The following KBTBD8 variants were observed in gnomAD, a reference collection of about 807,000 sequenced individuals.
The protein encoded by KBTBD8 is kelch repeat and BTB domain-containing protein 8.
Under a neutral mutation model 53.5 loss-of-function variants are expected in KBTBD8, and 31 were observed. The ratio of observed to expected loss-of-function variants is 0.58; its 90% CI spans 0.44 to 0.78. KBTBD8 has a LOEUF of 0.78. KBTBD8 is among the 30% of genes least tolerant of loss of function. KBTBD8 has a pLI of 0.00. For synonymous variants in KBTBD8, 250 were observed against 247.3 expected (o/e 1.01, Z -0.10); for missense variants, 642 against 735.8 (o/e 0.87, Z 1.48).
chr3:67,009,219 T>C lies in KBTBD8; in HGVS notation c.*834T>C, dbSNP rs537808226. ...CCATAGTACTTTACCTGTTGAACTC[T>C]TGTGATTTCACAAGATTCTCTACTT... On this transcript the variant is annotated 3_prime_UTR_variant, in exon 4 of 4. Transcript: ENST00000417314. 1.3e-5 allele frequency: 2 copies of C among 152,766 alleles called. No individual in the cohort carries two copies. Among genetic ancestry groups the C allele is most frequent in the South Asian group, 2.1e-4 (1 of 4,826 alleles). The allele number at this position is 152,766 out of a possible 1,614,324, so 9.5% of individuals were successfully genotyped here.
chr3:67,008,446 C>CAA lies in KBTBD8; in HGVS notation c.*64_*65dup. The stretch of plus-strand genomic sequence containing the variant: ...ATTCTTAGGAAACTTGTCTTTGATA[C>CAA]AAAAGAGTGCTGACAGTATTTCAGA... On this transcript the variant is annotated 3_prime_UTR_variant, in exon 4 of 4. Coordinates refer to ENST00000417314, the MANE Select transcript of KBTBD8 (RefSeq NM_032505.3). 8.7e-7 allele frequency: 1 copy of CAA among 1,151,578 alleles called. No homozygotes were observed. Among genetic ancestry groups the CAA allele is most frequent in the Non-Finnish European group, 1.2e-6 (1 of 805,258 alleles). The allele number at this position is 1,151,578 out of a possible 1,614,324, so 71.3% of individuals were successfully genotyped here.
chr3:66,999,043 A>G lies in KBTBD8; in HGVS notation c.79A>G (p.Met27Val), dbSNP rs1053972145. The stretch of plus-strand genomic sequence containing the variant: ...ATCTTCAGACCCAGCCAGCGATGCC[A>G]TGGACCCCTTCCATGCTTGCAGTAT... ...IPSSDPASDA[M>V]DPFHACSILK... The change falls in exon 2 of 4, where the codon ATG (methionine) becomes GTG (valine). Residue 27 changes from methionine (M) to valine (V), a missense_variant. Transcript: ENST00000417314. The G allele has an allele frequency of 2.5e-6, 4 of 1,614,040 alleles. No homozygotes were observed. The highest frequency in any genetic ancestry group is 2.7e-5 in the African/African-American group (2 of 74,936).
Position 67,003,832 on chromosome 3 carries a change from A to G in KBTBD8, c.865A>G (p.Ile289Val), listed in dbSNP as rs1363972600. ...RLGMTASEMI[I>V]CFDAAHKHSG... ...TGGAATGACTGCTTCTGAAATGATCATATGTTTTGATGCTGCCCACAAACA... is the reference window on the plus strand; with the variant it reads ...TGGAATGACTGCTTCTGAAATGATCGTATGTTTTGATGCTGCCCACAAACA... Residue 289 changes from isoleucine to valine, a missense_variant, in exon 3 of 4, where the codon ATA (isoleucine) becomes GTA (valine). Coordinates refer to ENST00000417314, the MANE Select transcript of KBTBD8 (RefSeq NM_032505.3). The G allele has an allele frequency of 1.9e-6, 3 of 1,614,216 alleles. No homozygotes were observed. Among genetic ancestry groups the G allele is most frequent in the East Asian group, 4.5e-5 (2 of 44,882 alleles).
chr3:67,002,512 C>CTT (rs57174511), intron 2 of KBTBD8, among the ~76,000 whole-genome samples: 3,670 of 90,362 alleles, frequency 0.041, 408 homozygotes, highest in African/African-American at 0.11. Context: ...TATAGGTATT[C>CTT]TTTTTTTTTT....
Position 66,999,201 on chromosome 3 carries a change from T to A in KBTBD8, c.227+10T>A, listed in dbSNP as rs1559555568. 2.5e-6 allele frequency: 4 copies of A among 1,608,818 alleles called. No individual in the cohort carries two copies. Among genetic ancestry groups the A allele is most frequent in the Non-Finnish European group, 3.4e-6 (4 of 1,175,146 alleles). On this transcript the variant is annotated intron_variant, in intron 2 of 3. Coordinates refer to ENST00000417314, the MANE Select transcript of KBTBD8 (RefSeq NM_032505.3). ...TCAGCCCTTACTTCAGGTATGATGATGGTAGGAACTTCTGTTGGTATCTGC... is the reference window on the plus strand; with the variant it reads ...TCAGCCCTTACTTCAGGTATGATGAAGGTAGGAACTTCTGTTGGTATCTGC...
rs1702089282 is a variant in KBTBD8, at chr3:67,008,433, C to T, written c.*48C>T. 1 of 1,328,068 alleles carries T rather than the reference C, an allele frequency of 7.5e-7. No homozygotes were observed. Among genetic ancestry groups the T allele is most frequent in the Admixed American group, 2.0e-5 (1 of 49,322 alleles). The allele number at this position is 1,328,068 out of a possible 1,614,324, so 82.3% of individuals were successfully genotyped here. ...TCACTGGCATCTCATTCTTAGGAAACTTGTCTTTGATACAAAAGAGTGCTG... is the reference window on the plus strand; with the variant it reads ...TCACTGGCATCTCATTCTTAGGAAATTTGTCTTTGATACAAAAGAGTGCTG... On this transcript the variant is annotated 3_prime_UTR_variant, in exon 4 of 4. Coordinates refer to ENST00000417314, the MANE Select transcript of KBTBD8 (RefSeq NM_032505.3).
intron 3 of KBTBD8, among the ~76,000 whole-genome samples, chr3:67,006,407 T>C (rs1183922717): frequency 6.6e-6 from 1 of 152,216 alleles, no homozygotes; most frequent in Non-Finnish European, 1.5e-5. Flanking sequence ...CTTAATTGCA[T>C]ATTATTAGCT....
At chr3:67,000,494 ATC>A (rs1702007414) in intron 2 of KBTBD8, among the ~76,000 whole-genome samples, 1 of 152,160 alleles carries the variant, frequency 6.6e-6, no homozygotes, top group South Asian at 2.1e-4. Context: ...TTATAATCCT[ATC>A]TCTGCATAGT....
rs1210246294 is a variant in KBTBD8, at chr3:66,999,017, C to T, written c.53C>T (p.Pro18Leu). 1.2e-6 allele frequency: 2 copies of T among 1,612,864 alleles called. No homozygotes were observed. The highest frequency in any genetic ancestry group is 4.5e-5 in the East Asian group (2 of 44,866). Residue 18 changes from proline to leucine, a missense_variant, in exon 2 of 4, where the codon CCA becomes CTA. Coordinates refer to ENST00000417314, the MANE Select transcript of KBTBD8 (RefSeq NM_032505.3). ...TCTTCCCCAACACCGAATGGGATTC[C>T]ATCTTCAGACCCAGCCAGCGATGCC... ...SKSSPTPNGI[P>L]SSDPASDAMD...
In KBTBD8 at chr3:67,002,867, C is replaced by G. The variant is rs1222860276; in HGVS notation, c.228-328C>G. The stretch of plus-strand genomic sequence containing the variant: ...TCTGATGTCCCTAAGGCAACTTGAC[C>G]AGAACTCTGGATAGGGGCTTCTAGG... On this transcript the variant is annotated intron_variant, in intron 2 of 3. Transcript: ENST00000417314. 1.1e-4 allele frequency among the ~76,000 whole-genome samples: 17 copies of G among 152,086 alleles called. 1 individual carries two copies.
At chr3:67,005,465 T>A (rs1559557137) in intron 3 of KBTBD8, among the ~76,000 whole-genome samples, 1 of 152,156 alleles carries the variant, frequency 6.6e-6, no homozygotes, top group African/African-American at 2.4e-5. Flanking sequence ...GCTGTACAGT[T>A]TTGTAGCCTA....
At position 67,008,691 on chromosome 3, in the gene KBTBD8, C is replaced by T. The variant is rs573102639; in HGVS notation, c.*306C>T. 8 of 295,644 alleles carry T rather than the reference C, an allele frequency of 2.7e-5. No individual in the cohort carries two copies. The East Asian group carries it at 3.1e-4, about 11-fold the overall frequency. 18.3% of individuals were successfully genotyped at this position (295,644 alleles called of 1,614,324 possible). Reference sequence around the variant, plus strand: ...CCAGATGAATCAGGACAACTATGCACTCTTATAAGAGCATTTAGGGTATTA... The same window carrying T: ...CCAGATGAATCAGGACAACTATGCATTCTTATAAGAGCATTTAGGGTATTA... On this transcript the variant is annotated 3_prime_UTR_variant, in exon 4 of 4. Transcript: ENST00000417314.
intron 1 of KBTBD8, among the ~76,000 whole-genome samples, chr3:66,998,692 G>C (rs1222534891): frequency 1.3e-5 from 2 of 152,172 alleles, no homozygotes; most frequent in African/African-American, 4.8e-5. Context: ...AGTCCGCGCA[G>C]ACGCCTCTCC....
In KBTBD8 at chr3:66,998,511, G is replaced by C. The variant is rs565686079; in HGVS notation, c.16+140G>C. 1.8e-4 allele frequency: 130 copies of C among 710,198 alleles called. No homozygotes were observed. In the African/African-American group the frequency reaches 2.0e-3, roughly 11 times the overall value. 44.0% of individuals were successfully genotyped at this position (710,198 alleles called of 1,614,324 possible). ...AAGCGGTGGAGGGGAATGAGAAGAGGGAGGATGAATGGTGCGGAGGGCGGT... is the reference window on the plus strand; with the variant it reads ...AAGCGGTGGAGGGGAATGAGAAGAGCGAGGATGAATGGTGCGGAGGGCGGT... On this transcript the variant is annotated intron_variant, in intron 1 of 3. Coordinates refer to ENST00000417314, the MANE Select transcript of KBTBD8 (RefSeq NM_032505.3).
chr3:67,003,779 C>A lies in KBTBD8; in HGVS notation c.812C>A (p.Ser271Tyr), dbSNP rs367983709. The change falls in exon 3 of 4, where the codon TCC (serine) becomes TAC (tyrosine). Residue 271 changes from serine (S) to tyrosine (Y), a missense_variant. Transcript: ENST00000417314. ...IAKSCVEKGP[S>Y]NTNGCTQRLG... Reference sequence around the variant, plus strand: ...AAAAGCTGTGTAGAAAAGGGACCATCCAACACCAATGGCTGTACACAGAGG... The same window carrying A: ...AAAAGCTGTGTAGAAAAGGGACCATACAACACCAATGGCTGTACACAGAGG... 4.3e-6 allele frequency: 7 copies of A among 1,614,154 alleles called. No individual in the cohort carries two copies. The highest frequency in any genetic ancestry group is 4.2e-6 in the Non-Finnish European group (5 of 1,180,024).
chr3:67,008,353 C>T lies in KBTBD8; in HGVS notation c.1774C>T (p.Leu592=). 1 of 1,612,246 alleles carries T rather than the reference C, an allele frequency of 6.2e-7. No homozygotes were observed. The highest frequency in any genetic ancestry group is 1.7e-5 in the Admixed American group (1 of 59,972). ...GRHFECAVAK[L]YPQCLQKVL Reference sequence around the variant, plus strand: ...GCATTTTGAATGTGCTGTTGCTAAACTGTATCCTCAGTGTCTTCAGAAAGT... The same window carrying T: ...GCATTTTGAATGTGCTGTTGCTAAATTGTATCCTCAGTGTCTTCAGAAAGT... The change falls in exon 4 of 4, where the codon CTG becomes TTG. Residue 592 remains leucine (L), a synonymous_variant. Transcript: ENST00000417314.
intron 1 of KBTBD8, 54 bp from the exon 2 acceptor site, chr3:66,998,927 G>T: frequency 7.3e-7 from 1 of 1,379,208 alleles, no homozygotes; most frequent in Non-Finnish European, 1.0e-6. Context: ...AAAATCCCGC[G>T]ATGCCGTAAC....
rs747495338 is a variant in KBTBD8 at position 67,003,486 on chromosome 3, A to T, written c.519A>T (p.Glu173Asp). 1 of 1,614,162 alleles carries T rather than the reference A, an allele frequency of 6.2e-7. No individual in the cohort carries two copies. The highest frequency in any genetic ancestry group is 8.5e-7 in the Non-Finnish European group (1 of 1,180,008). The change falls in exon 3 of 4, where the codon GAA becomes GAT. Residue 173 changes from glutamate (E) to aspartate (D), a missense_variant. By Grantham distance (45) the Glu-to-Asp change is conservative. Transcript: ENST00000417314. ...AGGAACTCGGAGATCGATCAAAAGA[A>T]TACATTCGTAAAAAGTTTCTGTGTG... is the stretch of plus-strand genomic sequence containing the variant. ...GHQELGDRSK[E>D]YIRKKFLCVT...
chr3:67,007,347 C>G (rs890144776), intron 3 of KBTBD8, among the ~76,000 whole-genome samples: 1 of 137,774 alleles, frequency 7.3e-6, no homozygotes, highest in Admixed American at 7.6e-5. Context: ...GAGATGGAGT[C>G]TCACATTGTT....
Sources: allele counts gnomAD v4.1 joint callset (sites outside exome capture counted in the v4.1 genomes callset), GRCh38; gene constraint gnomAD v4.1.1; transcripts MANE v1.5; gene names NCBI Gene and HGNC (gene_info 2026-07-23, HGNC 2026-07-21).